The following PCCA variants were observed in gnomAD, a reference collection of about 807,000 sequenced individuals.
PCCA encodes propionyl-CoA carboxylase alpha chain, mitochondrial.
Under a neutral mutation model 101.3 loss-of-function variants are expected in PCCA, and 74 were observed. That is an observed-to-expected ratio of 0.73 (90% CI 0.61 to 0.89). The LOEUF (loss-of-function observed/expected upper bound fraction) is 0.89. Ranked by LOEUF, PCCA falls within the 40% of genes least tolerant of loss-of-function variation. The pLI is 0.00. For synonymous variants in PCCA, 294 were observed against 313.6 expected (o/e 0.94, Z 0.66); for missense variants, 891 against 907.0 (o/e 0.98, Z 0.23).
chr13:100,097,077 C>T (rs982185576), intron 1 of PCCA, among the ~76,000 whole-genome samples: 9 of 152,074 alleles, frequency 5.9e-5, no homozygotes, highest in Non-Finnish European at 1.2e-4. Flanking sequence ...GGACCTGAAC[C>T]TACAGTATCT....
rs776972458 is a variant in PCCA, at chr13:100,217,096, C to T, written c.600+7633C>T. 6.8e-4 allele frequency among the ~76,000 whole-genome samples: 101 copies of T among 148,362 alleles called. No individual in the cohort carries two copies. In the Middle Eastern group the frequency reaches 0.016, roughly 24 times the overall value. On this transcript the variant is annotated intron_variant, in intron 7 of 23. Transcript: ENST00000376285. The stretch of plus-strand genomic sequence containing the variant: ...TGCACTCCAGCCTGGGCAACAAGAG[C>T]GGAACTCTGTCTAAAAAAAACAAGA...
chr13:100,322,930 T>C (rs917024600), intron 16 of PCCA, among the ~76,000 whole-genome samples: 1 of 152,220 alleles, frequency 6.6e-6, no homozygotes, highest in Non-Finnish European at 1.5e-5. Flanking sequence ...ATTCTATAAC[T>C]AGTTGCGCAG....
intron 4 of PCCA, among the ~76,000 whole-genome samples, chr13:100,153,144 G>GT (rs1428952198): frequency 1.3e-5 from 2 of 152,094 alleles, no homozygotes; most frequent in African/African-American, 4.8e-5. Flanking sequence ...GATAATGAAA[G>GT]TTATTAAGCA....
At chr13:100,398,323 G>A (rs2077152035) in intron 19 of PCCA, among the ~76,000 whole-genome samples, 2 of 152,180 alleles carry the variant, frequency 1.3e-5, no homozygotes, top group Admixed American at 6.5e-5. Flanking sequence ...GCATACCACA[G>A]CACATCTCAC....
At chr13:100,358,677 ATG>A (rs1304317952) in intron 18 of PCCA, among the ~76,000 whole-genome samples, 3 of 152,224 alleles carry the variant, frequency 2.0e-5, no homozygotes, top group African/African-American at 7.2e-5. Flanking sequence ...AGAAAGAAAA[ATG>A]TGTTTAAAAA....
At chr13:100,162,537 T>C (rs536257541) in intron 6 of PCCA, among the ~76,000 whole-genome samples, 44 of 152,316 alleles carry the variant, frequency 2.9e-4, no homozygotes, top group Admixed American at 7.8e-4. Flanking sequence ...TTCTTGCTGT[T>C]GGTGGAGGCT....
chr13:100,117,719 C>T (rs997343022), intron 4 of PCCA, among the ~76,000 whole-genome samples: 6 of 151,800 alleles, frequency 4.0e-5, no homozygotes, highest in Non-Finnish European at 7.4e-5. Flanking sequence ...ACATGTATAC[C>T]TATGTAACAA....
rs200983634 is a variant in PCCA at position 100,458,438 on chromosome 13, C to T, written c.1899+9133C>T. On this transcript the variant is annotated intron_variant, in intron 21 of 23. Transcript: ENST00000376285. ...ATCTCTGCGCGCACACACACACACA[C>T]ATACACACACACACACACACACACA... Among the ~76,000 whole-genome samples, 106 of 54,092 alleles carry T rather than the reference C, an allele frequency of 2.0e-3. No homozygotes were observed. The East Asian group carries it at 0.047, about 24-fold the overall frequency. 35.5% of individuals were successfully genotyped at this position (54,092 alleles called of 152,430 possible). A position where few individuals can be genotyped will look rare whatever the true frequency, so the allele number is the denominator to read the frequency against.
chr13:100,437,550 T>A (rs1457807006), intron 20 of PCCA, among the ~76,000 whole-genome samples: 1 of 151,896 alleles, frequency 6.6e-6, no homozygotes, highest in African/African-American at 2.4e-5. Flanking sequence ...TTTTTTTTTT[T>A]ACCAGTGTTT....
At chr13:100,450,945 G>A (rs974992055) in intron 21 of PCCA, among the ~76,000 whole-genome samples, 5 of 152,208 alleles carry the variant, frequency 3.3e-5, no homozygotes, top group Middle Eastern at 3.2e-3. Flanking sequence ...AGATGTGTGC[G>A]TATGTGTAGA....
rs1282330459 is a variant in PCCA, at chr13:100,209,223, T to C, written c.469-109T>C. 3.2e-6 allele frequency: 3 copies of C among 928,126 alleles called. No individual in the cohort carries two copies. The African/African-American group carries it at 5.0e-5, about 15-fold the overall frequency. 57.5% of individuals were successfully genotyped at this position (928,126 alleles called of 1,614,324 possible). A position where few individuals can be genotyped will look rare whatever the true frequency, so the allele number is the denominator to read the frequency against. On this transcript the variant is annotated intron_variant, in intron 6 of 23. Coordinates refer to ENST00000376285, the MANE Select transcript of PCCA (RefSeq NM_000282.4). ...GGCTCAAAAACTGTTGTTTCTGCAATAAAAATAATTAGAAAATACACATAT... is the reference window on the plus strand; with the variant it reads ...GGCTCAAAAACTGTTGTTTCTGCAACAAAAATAATTAGAAAATACACATAT...
chr13:100,458,361 TACAC>T (rs58649291), intron 21 of PCCA, among the ~76,000 whole-genome samples: 1,360 of 101,386 alleles, frequency 0.013, 23 homozygotes, highest in African/African-American at 0.027. Flanking sequence ...ACCCCATCTC[TACAC>T]ACACACACAC....
chr13:100,237,874 T>C (rs1255943212), intron 8 of PCCA, among the ~76,000 whole-genome samples: 2 of 151,996 alleles, frequency 1.3e-5, no homozygotes, highest in South Asian at 2.1e-4. Context: ...TTTGTGTAAA[T>C]AGCAGGCCGT....
chr13:100,186,381 G>A (rs949171160), intron 6 of PCCA, among the ~76,000 whole-genome samples: 2 of 152,128 alleles, frequency 1.3e-5, no homozygotes, highest in Non-Finnish European at 2.9e-5. Context: ...GGGTGACCAT[G>A]TGGATAAAAA....
chr13:100,293,114 T>A (rs531205201), intron 12 of PCCA: 1 of 407,546 alleles, frequency 2.5e-6, no homozygotes, highest in South Asian at 1.9e-5. Flanking sequence ...AGTAAGTAAT[T>A]AAAACCCCAA....
At position 100,280,011 on chromosome 13, in the gene PCCA, TG is replaced by T. The variant is rs1263278619; in HGVS notation, c.1065+6666del. 5.9e-4 allele frequency among the ~76,000 whole-genome samples: 25 copies of T among 42,296 alleles called. No individual in the cohort carries two copies. The East Asian group carries it at 0.021, about 36-fold the overall frequency. 27.7% of individuals were successfully genotyped at this position (42,296 alleles called of 152,430 possible). On this transcript the variant is annotated intron_variant, in intron 12 of 23. Transcript: ENST00000376285. ...CAGAACTGTGTTTTGTTTTTGTTTT[TG>T]TTTTTTTTTTTTTTGGTAACAGAAA...
At chr13:100,475,519 G>C (rs536981497) in intron 21 of PCCA, among the ~76,000 whole-genome samples, 1 of 152,252 alleles carries the variant, frequency 6.6e-6, no homozygotes, top group South Asian at 2.1e-4. Context: ...CCATTGTATG[G>C]ATATACCTTA....
At chr13:100,232,518 C>G (rs2060558427) in intron 7 of PCCA, among the ~76,000 whole-genome samples, 2 of 152,010 alleles carry the variant, frequency 1.3e-5, no homozygotes, top group African/African-American at 4.8e-5. Flanking sequence ...GTAGCTGGGA[C>G]TACAGGTCCC....
intron 21 of PCCA, chr13:100,491,798 T>C (rs367828084): frequency 2.7e-6 from 3 of 1,125,992 alleles, no homozygotes. Flanking sequence ...AAATCTCCAA[T>C]AAATGTAAAT....
Sources: gnomAD v4.1 joint callset for allele counts (sites outside exome capture counted in the v4.1 genomes callset) on GRCh38, gnomAD v4.1.1 for gene constraint, MANE v1.5 for transcripts, NCBI Gene and HGNC (gene_info 2026-07-23, HGNC 2026-07-21) for gene names.